The following ENOX2 variants were observed in gnomAD, a reference collection of about 807,000 sequenced individuals.
The protein encoded by ENOX2 is APK1 antigen.
In ENOX2, 36 loss-of-function variants were observed where a neutral mutation model predicts 45.0. The ratio of observed to expected loss-of-function variants is 0.80; its 90% CI spans 0.61 to 1.06. ENOX2 has a LOEUF of 1.06. Among genes scored for constraint, ENOX2 ranks in the 50% least tolerant of loss-of-function variants. The pLI is 0.00. For synonymous variants in ENOX2, 174 were observed against 152.3 expected, an observed-to-expected ratio of 1.14 and a Z score of -1.05; for missense variants, 423 against 462.5, an observed-to-expected ratio of 0.91 and a Z score of 0.78.
At chrX:130,886,878 T>C (rs901306764) in intron 2 of ENOX2, among the ~76,000 whole-genome samples, 2 of 112,290 alleles carry the variant, frequency 1.8e-5, no homozygotes, top group African/African-American at 3.2e-5. Context: ...AAATTGCTTT[T>C]TGCTTCCAAA....
intron 8 of ENOX2, among the ~76,000 whole-genome samples, chrX:130,666,072 G>A (rs1381090300): frequency 9.0e-6 from 1 of 111,244 alleles, no homozygotes; most frequent in East Asian, 2.8e-4. Flanking sequence ...CATAGCAAAT[G>A]CACTTTTATT....
intron 3 of ENOX2, among the ~76,000 whole-genome samples, chrX:130,745,279 T>C (rs1439292570): frequency 8.9e-6 from 1 of 112,385 alleles, no homozygotes; most frequent in Non-Finnish European, 1.9e-5. Context: ...TACTGTCTAC[T>C]GTGCTAAATC....
At chrX:130,858,046 T>C in intron 2 of ENOX2, among the ~76,000 whole-genome samples, 1 of 109,955 alleles carries the variant, frequency 9.1e-6, no homozygotes, top group East Asian at 2.8e-4. Flanking sequence ...GATTTCCTAA[T>C]AAAGTCTTCT....
At chrX:130,828,953 G>A (rs757055573) in intron 2 of ENOX2, among the ~76,000 whole-genome samples, 17 of 111,711 alleles carry the variant, frequency 1.5e-4, no homozygotes, top group Middle Eastern at 4.6e-3. Flanking sequence ...CACTGGCATG[G>A]CATTCAACTC....
At position 130,625,291 on chromosome X, in the gene ENOX2, C is replaced by T; in HGVS notation, c.*23G>A. On this transcript the variant is annotated 3_prime_UTR_variant, in exon 15 of 15. Coordinates refer to ENST00000394363, the MANE Select transcript of ENOX2 (RefSeq NM_006375.4). ...TCCAACACATATTTATCTTCAGGAT[C>T]CCAAGTTGTTAGGCAAAGAGATTTA... 8.3e-7 allele frequency: 1 copy of T among 1,203,330 alleles called. No individual in the cohort carries two copies. Among genetic ancestry groups the T allele is most frequent in the Non-Finnish European group, 1.1e-6 (1 of 890,697 alleles).
Position 130,840,296 on chromosome X carries a change from T to C in ENOX2, c.-182-56606A>G, listed in dbSNP as rs916577366. Among the ~76,000 whole-genome samples the C allele has an allele frequency of 1.4e-4, 16 of 110,944 alleles. No homozygotes were observed. The South Asian group carries it at 4.1e-3, about 28-fold the overall frequency. On this transcript the variant is annotated intron_variant, in intron 2 of 14. Transcript: ENST00000394363. ...GAAAAATATACAGATTATTTACATT[T>C]GAGCTATAACACCATTATGCCTTAT...
intron 6 of ENOX2, 30 bp downstream of exon 6, chrX:130,679,512 T>G: frequency 1.8e-6 from 2 of 1,107,569 alleles, no homozygotes; most frequent in Non-Finnish European, 2.5e-6. Context: ...TTGTGCCTGG[T>G]GGGCACAATC....
intron 2 of ENOX2, among the ~76,000 whole-genome samples, chrX:130,830,086 C>T (rs1276755919): frequency 9.0e-6 from 1 of 111,325 alleles, no homozygotes; most frequent in Non-Finnish European, 1.9e-5. Context: ...CTTCTGACCC[C>T]TAGTCATGTG....
chrX:130,733,497 A>C (rs2038787982), intron 3 of ENOX2, among the ~76,000 whole-genome samples: 2 of 112,295 alleles, frequency 1.8e-5, no homozygotes, highest in African/African-American at 6.5e-5. Flanking sequence ...ACTTAAGTTC[A>C]CACAAAAACT....
At position 130,760,856 on chromosome X, in the gene ENOX2, T is replaced by G. The variant is rs780425518; in HGVS notation, c.-39+22691A>C. On this transcript the variant is annotated intron_variant, in intron 3 of 14. Transcript: ENST00000394363. ...AGCCTCCACTCCTATTTCTGAGAGG[T>G]TTTTTTTTTTTTTAAATCATGGATG... is the stretch of plus-strand genomic sequence containing the variant. Among the ~76,000 whole-genome samples, 352 of 83,229 alleles carry G rather than the reference T, an allele frequency of 4.2e-3. 1 individual carries two copies. Among genetic ancestry groups the G allele is most frequent in the African/African-American group, 0.015 (326 of 21,165 alleles). 72.3% of individuals were successfully genotyped at this position (83,229 alleles called of 115,157 possible). A position where few individuals can be genotyped will look rare whatever the true frequency, so the allele number is the denominator to read the frequency against.
intron 2 of ENOX2, among the ~76,000 whole-genome samples, chrX:130,796,834 C>A (rs1237853972): frequency 8.9e-6 from 1 of 112,018 alleles, no homozygotes; most frequent in African/African-American, 3.2e-5. Context: ...TAACAATACT[C>A]AAAGAAAGCC....
At chrX:130,727,601 G>A (rs745349669) in intron 3 of ENOX2, among the ~76,000 whole-genome samples, 1 of 112,421 alleles carries the variant, frequency 8.9e-6, no homozygotes, top group South Asian at 3.7e-4. Context: ...GTCTTCAAAT[G>A]TTTGTCCCCA....
intron 2 of ENOX2, among the ~76,000 whole-genome samples, chrX:130,864,937 G>A (rs1243209293): frequency 9.0e-6 from 1 of 110,953 alleles, no homozygotes; most frequent in Non-Finnish European, 1.9e-5. Flanking sequence ...GCTTGAACAC[G>A]GGAGGCAGAG....
intron 12 of ENOX2, among the ~76,000 whole-genome samples, chrX:130,632,363 GC>G (rs1309103649): frequency 8.1e-4 from 19 of 23,562 alleles, no homozygotes; most frequent in African/African-American, 1.7e-3. Context: ...GCAGGAAGGG[GC>G]GGGGGGGGGG....
chrX:130,658,171 C>T (rs2036593976), intron 9 of ENOX2, among the ~76,000 whole-genome samples: 3 of 111,686 alleles, frequency 2.7e-5, no homozygotes, highest in South Asian at 3.7e-4. Context: ...CACTGAGAAT[C>T]GTTATAATAG....
At position 130,791,485 on chromosome X, in the gene ENOX2, A is replaced by G. The variant is rs193084247; in HGVS notation, c.-182-7795T>C. 1.8e-3 allele frequency among the ~76,000 whole-genome samples: 206 copies of G among 112,172 alleles called. 1 individual carries two copies. Among genetic ancestry groups the G allele is most frequent in the African/African-American group, 6.4e-3 (198 of 30,859 alleles). ...TTTTCAACTTTATGATGTAAAAGTG[A>G]TAGACATTCAGTAGAAACCATACTT... On this transcript the variant is annotated intron_variant, in intron 2 of 14. Transcript: ENST00000394363.
chrX:130,657,418 T>C (rs958957525), intron 9 of ENOX2, among the ~76,000 whole-genome samples: 2 of 111,826 alleles, frequency 1.8e-5, no homozygotes, highest in African/African-American at 6.5e-5. Flanking sequence ...AGAAAGCCCA[T>C]AGTCTTTATG....
intron 2 of ENOX2, among the ~76,000 whole-genome samples, chrX:130,825,509 G>C (rs1313265107): frequency 8.9e-6 from 1 of 111,817 alleles, no homozygotes. Flanking sequence ...TGGTAAATCT[G>C]TATGGTGAGT....
chrX:130,845,104 C>T (rs1413937960), intron 2 of ENOX2, among the ~76,000 whole-genome samples: 1 of 112,077 alleles, frequency 8.9e-6, no homozygotes, highest in African/African-American at 3.2e-5. Flanking sequence ...CAAAAATGGC[C>T]CTGCATGCAT....
Sources: gnomAD v4.1 joint callset for allele counts (sites outside exome capture counted in the v4.1 genomes callset) on GRCh38, gnomAD v4.1.1 for gene constraint, MANE v1.5 for transcripts, NCBI Gene and HGNC (gene_info 2026-07-23, HGNC 2026-07-21) for gene names.